Variants in OR56A3 observed in about 807,000 individuals in gnomAD.
The protein encoded by OR56A3 is olfactory receptor family 56 subfamily A member 3, also known as olfactory receptor 56A3.
OR56A3 carries 23 observed loss-of-function variants against 17.5 expected under a neutral mutation model. The ratio of observed to expected loss-of-function variants is 1.32; its 90% CI spans 0.95 to 1.87. The LOEUF (loss-of-function observed/expected upper bound fraction) is 1.87. Among genes scored for constraint, OR56A3 ranks in the 40% most tolerant of loss-of-function variants. The pLI, the probability that OR56A3 is intolerant of heterozygous loss-of-function variation, is 0.00. For synonymous variants in OR56A3, 175 were observed against 150.6 expected, an observed-to-expected ratio of 1.16 and a Z score of -1.19; for missense variants, 366 against 380.1, an observed-to-expected ratio of 0.96 and a Z score of 0.31.
At chr11:5,963,854 A>T in the OR56A3 span, among the ~76,000 whole-genome samples, 66 of 152,106 alleles carry the variant, frequency 4.3e-4, no homozygotes, top group Middle Eastern at 3.4e-3. Flanking sequence ...TCATCTTTTG[A>T]TGCTATCCCA....
chr11:5,968,262 A>G, the OR56A3 span: 1 of 1,613,560 alleles, frequency 6.2e-7, no homozygotes, highest in Non-Finnish European at 8.5e-7. Flanking sequence ...GATGACGGTG[A>G]GGCAGAGTAC....
downstream of OR56A3, among the ~76,000 whole-genome samples, chr11:5,952,755 A>G (rs1847914927): frequency 6.6e-6 from 1 of 152,152 alleles, no homozygotes. Flanking sequence ...TGCCACCCAG[A>G]TCCTGAGCAC....
At chr11:5,976,791 G>A in the OR56A3 span, among the ~76,000 whole-genome samples, 11 of 151,804 alleles carry the variant, frequency 7.2e-5, no homozygotes, top group African/African-American at 2.7e-4. Context: ...ATGTCGTAGG[G>A]GTTTGGTGTA....
chr11:5,958,631 A>G, the OR56A3 span, among the ~76,000 whole-genome samples: 1 of 152,168 alleles, frequency 6.6e-6, no homozygotes, highest in Non-Finnish European at 1.5e-5. Flanking sequence ...TATGTTGACT[A>G]TGGCATGACC....
Position 5,948,605 on chromosome 11 carries a change from T to C in OR56A3, c.*311T>C, listed in dbSNP as rs1007843790. 4.4e-5 allele frequency: 12 copies of C among 275,280 alleles called. No individual in the cohort carries two copies. The highest frequency in any genetic ancestry group is 2.6e-4 in the African/African-American group (12 of 46,198). The allele number at this position is 275,280 out of a possible 1,614,324, so 17.1% of individuals were successfully genotyped here. On this transcript the variant is annotated 3_prime_UTR_variant, in exon 3 of 3. Transcript: ENST00000641160. ...TCTGAACACACAACTCAATATGTCATGAATTTTGTATCATTAAAAATACAA... is the reference window on the plus strand; with the variant it reads ...TCTGAACACACAACTCAATATGTCACGAATTTTGTATCATTAAAAATACAA...
In OR56A3 at chr11:5,950,010, T is replaced by C. The variant is rs1847898605; in HGVS notation, c.*1716T>C. On this transcript the variant is annotated 3_prime_UTR_variant, in exon 3 of 3. Transcript: ENST00000641160. The stretch of plus-strand genomic sequence containing the variant: ...TCTCATTCTCTCATACATTTCAACA[T>C]AAGAAAAATGGCTTGACTTGAAATG... 1 of 152,172 alleles carries C rather than the reference T, an allele frequency of 6.6e-6. No individual in the cohort carries two copies. Among genetic ancestry groups the C allele is most frequent in the Non-Finnish European group, 1.5e-5 (1 of 68,014 alleles). The allele number at this position is 152,172 out of a possible 1,614,324, so 9.4% of individuals were successfully genotyped here.
At chr11:5,992,145 G>C in the OR56A3 span, among the ~76,000 whole-genome samples, 1 of 152,122 alleles carries the variant, frequency 6.6e-6, no homozygotes, top group Admixed American at 6.5e-5. Context: ...GAACAATCTT[G>C]GACCCCAGTA....
chr11:5,964,810 G>C, the OR56A3 span, among the ~76,000 whole-genome samples: 1 of 152,130 alleles, frequency 6.6e-6, no homozygotes, highest in Admixed American at 6.5e-5. Flanking sequence ...GCATGGCCCA[G>C]GATTGAGGTC....
At chr11:5,989,660 A>G in the OR56A3 span, among the ~76,000 whole-genome samples, 3 of 152,192 alleles carry the variant, frequency 2.0e-5, no homozygotes, top group South Asian at 2.1e-4. Context: ...GCATAAAAAA[A>G]TCCCATATTG....
At chr11:5,970,853 T>A in the OR56A3 span, among the ~76,000 whole-genome samples, 1 of 152,220 alleles carries the variant, frequency 6.6e-6, no homozygotes, top group Non-Finnish European at 1.5e-5. Context: ...TTCATGTTGT[T>A]TTTACAGTAT....
At chr11:5,947,275 A>G (rs1847875418) in intron 2 of OR56A3, 36 bp from the exon 3 acceptor site, 1 of 1,342,026 alleles carries the variant, frequency 7.5e-7, no homozygotes, top group Admixed American at 2.4e-5. Flanking sequence ...TTGTGTATCA[A>G]GAATCCACAG....
At chr11:5,964,003 T>C in the OR56A3 span, among the ~76,000 whole-genome samples, 1 of 152,210 alleles carries the variant, frequency 6.6e-6, no homozygotes, top group South Asian at 2.1e-4. Flanking sequence ...GTTGATGCTC[T>C]ATTATATTTT....
At chr11:5,972,432 C>T in the OR56A3 span, among the ~76,000 whole-genome samples, 6 of 152,308 alleles carry the variant, frequency 3.9e-5, no homozygotes, top group South Asian at 1.0e-3. Flanking sequence ...CCTGGCCCAA[C>T]ACAGCATTGC....
the OR56A3 span, among the ~76,000 whole-genome samples, chr11:5,961,251 G>A: frequency 2.0e-5 from 3 of 152,264 alleles, no homozygotes; most frequent in African/African-American, 7.2e-5. Flanking sequence ...TCTGGGAGGT[G>A]TACCCAACAG....
chr11:5,965,391 G>A, the OR56A3 span, among the ~76,000 whole-genome samples: 20 of 152,202 alleles, frequency 1.3e-4, no homozygotes, highest in South Asian at 2.1e-4. Context: ...CATCTTACCC[G>A]TGGCCAAATC....
At chr11:5,974,551 G>A in the OR56A3 span, among the ~76,000 whole-genome samples, 1 of 152,164 alleles carries the variant, frequency 6.6e-6, no homozygotes, top group African/African-American at 2.4e-5. Flanking sequence ...TTCACATATT[G>A]ATGAGAATGT....
the OR56A3 span, chr11:6,019,200 AAAC>A: frequency 2.3e-5 from 3 of 130,930 alleles, no homozygotes; most frequent in Admixed American, 8.7e-5. Context: ...TTGACACCAA[AAAC>A]AACAACACGA....
At chr11:5,994,397 G>A in the OR56A3 span, 42 of 719,434 alleles carry the variant, frequency 5.8e-5, 1 homozygote, top group African/African-American at 1.0e-4. Context: ...CAGCCAGCTC[G>A]TCGTATTGTT....
At chr11:6,013,577 T>G in the OR56A3 span, among the ~76,000 whole-genome samples, 1 of 152,128 alleles carries the variant, frequency 6.6e-6, no homozygotes, top group Non-Finnish European at 1.5e-5. Context: ...TGAGTTTTGC[T>G]TGGGCCCACT....
Sources: allele counts gnomAD v4.1 joint callset (sites outside exome capture counted in the v4.1 genomes callset), GRCh38; gene constraint gnomAD v4.1.1; transcripts MANE v1.5; gene names NCBI Gene and HGNC (gene_info 2026-07-23, HGNC 2026-07-21).